The following DMD variants were observed in gnomAD, a reference collection of about 807,000 sequenced individuals.
The protein encoded by DMD is dystrophin.
A neutral mutation model predicts 330.1 loss-of-function variants in DMD; 63 were observed. That is an observed-to-expected ratio of 0.19 (90% confidence interval 0.16 to 0.24). The LOEUF (loss-of-function observed/expected upper bound fraction) is 0.24, where lower values mean the gene tolerates loss of function less well. Among genes scored for constraint, DMD ranks in the 10% least tolerant of loss-of-function variants. The probability of loss-of-function intolerance (pLI) is 1.00; values close to 1 mark genes in which losing one functional copy is unlikely to be tolerated. For missense variants in DMD, 3,344 were observed against 2,684.1 expected, an observed-to-expected ratio of 1.25 and a Z score of -5.43; for synonymous variants, 1,223 against 959.8, an observed-to-expected ratio of 1.27 and a Z score of -5.07.
chrX:31,403,360 T>C (rs9887650), intron 60 of DMD, among the ~76,000 whole-genome samples: 12,943 of 111,454 alleles, frequency 0.12, 621 homozygotes, highest in Admixed American at 0.17. Context: ...ATTTTAAAGA[T>C]TTCTAAGGAA....
At chrX:31,808,100 T>C (rs1234501339) in intron 50 of DMD, among the ~76,000 whole-genome samples, 1 of 111,894 alleles carries the variant, frequency 8.9e-6, no homozygotes, top group East Asian at 2.8e-4. Flanking sequence ...AGCCCTAAGA[T>C]AAATATTAGG....
intron 55 of DMD, among the ~76,000 whole-genome samples, chrX:31,592,968 AC>A (rs2076947092): frequency 9.0e-6 from 1 of 111,335 alleles, no homozygotes; most frequent in Admixed American, 9.6e-5. Context: ...TAATTACTCA[AC>A]ACTTTTAGCT....
intron 55 of DMD, among the ~76,000 whole-genome samples, chrX:31,560,025 C>T (rs1431788831): frequency 8.9e-6 from 1 of 112,025 alleles, no homozygotes; most frequent in Non-Finnish European, 1.9e-5. Context: ...TTTCTGGCCA[C>T]CTGCTTAGCT....
intron 67 of DMD, among the ~76,000 whole-genome samples, chrX:31,202,950 T>C (rs2043643193): frequency 8.9e-6 from 1 of 112,172 alleles, no homozygotes; most frequent in Non-Finnish European, 1.9e-5. Flanking sequence ...AGACAAAAGC[T>C]AAACGATAAG....
chrX:31,517,516 A>G (rs769015102), intron 55 of DMD, among the ~76,000 whole-genome samples: 1 of 111,778 alleles, frequency 8.9e-6, no homozygotes, highest in Non-Finnish European at 1.9e-5. Context: ...CTGATTCTGT[A>G]AGGATAATAT....
At chrX:32,726,741 G>A (rs1304059253) in intron 7 of DMD, among the ~76,000 whole-genome samples, 1 of 110,121 alleles carries the variant, frequency 9.1e-6, no homozygotes, top group African/African-American at 3.3e-5. Flanking sequence ...CATATTTATG[G>A]GGTCCAACAC....
rs1191335690 is a variant in DMD, at chrX:32,536,264, C to CAAAA, written c.2168+8891_2168+8894dup. Reference sequence around the variant, plus strand: ...TGGCAACAGAGTGAGACTCCGTCTCCAAAAAAAAAAAAAAAAAAAAAAAAC... The same window carrying CAAAA: ...TGGCAACAGAGTGAGACTCCGTCTCCAAAAAAAAAAAAAAAAAAAAAAAAAAAAC... On this transcript the variant is annotated intron_variant, in intron 17 of 78. Coordinates refer to ENST00000357033, the MANE Select transcript of DMD (RefSeq NM_004006.3). 5.2e-3 allele frequency among the ~76,000 whole-genome samples: 188 copies of CAAAA among 36,217 alleles called. 5 individuals carry two copies. The highest frequency in any genetic ancestry group is 0.022 in the Admixed American group (53 of 2,418). The allele number at this position is 36,217 out of a possible 115,157, so 31.5% of individuals were successfully genotyped here.
intron 1 of DMD, among the ~76,000 whole-genome samples, chrX:33,044,615 CA>C (rs2094351869): frequency 9.0e-6 from 1 of 111,731 alleles, no homozygotes; most frequent in Non-Finnish European, 1.9e-5. Flanking sequence ...AATATGGGGA[CA>C]AAAATAAGAG....
intron 1 of DMD, among the ~76,000 whole-genome samples, chrX:33,114,018 A>G (rs1028381772): frequency 5.4e-5 from 6 of 111,224 alleles, no homozygotes; most frequent in Admixed American, 1.9e-4. Flanking sequence ...GACAAAAAAT[A>G]CTTTAGAAAT....
At chrX:31,320,512 G>A (rs1288767100) in intron 62 of DMD, among the ~76,000 whole-genome samples, 1 of 112,182 alleles carries the variant, frequency 8.9e-6, no homozygotes, top group Non-Finnish European at 1.9e-5. Flanking sequence ...AATGAGGACT[G>A]GTTGAAGCAC....
chrX:32,018,671 A>G (rs757612100), intron 44 of DMD, among the ~76,000 whole-genome samples: 28 of 111,499 alleles, frequency 2.5e-4, no homozygotes, highest in Non-Finnish European at 4.9e-4. Context: ...CGGCATATAT[A>G]GTTCCAGAGC....
At chrX:32,515,703 T>C (rs1376223094) in intron 18 of DMD, among the ~76,000 whole-genome samples, 1 of 111,786 alleles carries the variant, frequency 8.9e-6, no homozygotes, top group African/African-American at 3.2e-5. Flanking sequence ...GATTGTGTCC[T>C]AGAATATTGA....
intron 1 of DMD, among the ~76,000 whole-genome samples, chrX:33,108,716 A>G (rs1434856987): frequency 1.9e-5 from 2 of 106,150 alleles, no homozygotes; most frequent in Admixed American, 2.0e-4. Flanking sequence ...TCTCTACTAC[A>G]AATACAAAAA....
In DMD at chrX:32,221,418, CAAGT is replaced by C. The variant is rs752152266; in HGVS notation, c.6291-4359_6291-4356del. Among the ~76,000 whole-genome samples the C allele has an allele frequency of 1.3e-4, 15 of 111,339 alleles. No homozygotes were observed. In the South Asian group the frequency reaches 5.7e-3, roughly 42 times the overall value. On this transcript the variant is annotated intron_variant, in intron 43 of 78. Coordinates refer to ENST00000357033, the MANE Select transcript of DMD (RefSeq NM_004006.3). ...TACTTCTCCCCAACCCTCAACTTCC[CAAGT>C]AATACAAATATTTAGTAAAAGATAA...
At chrX:31,892,842 T>C (rs1043688180) in intron 47 of DMD, among the ~76,000 whole-genome samples, 2 of 112,327 alleles carry the variant, frequency 1.8e-5, no homozygotes, top group Non-Finnish European at 3.8e-5. Flanking sequence ...TCATTACACA[T>C]AGCATGACTG....
chrX:32,205,315 C>G (rs1160075496), intron 44 of DMD, among the ~76,000 whole-genome samples: 1 of 106,280 alleles, frequency 9.4e-6, no homozygotes, highest in African/African-American at 3.5e-5. Flanking sequence ...CCAAGAGTTC[C>G]TCTCATCTTG....
intron 59 of DMD, among the ~76,000 whole-genome samples, chrX:31,446,476 A>G (rs1310567252): frequency 1.4e-5 from 1 of 74,060 alleles, no homozygotes; most frequent in African/African-American, 8.0e-5. Flanking sequence ...ATACACATGC[A>G]AAAAAAAAAT....
At chrX:33,163,746 G>A (rs2048921266) in intron 1 of DMD, among the ~76,000 whole-genome samples, 1 of 107,901 alleles carries the variant, frequency 9.3e-6, no homozygotes, top group African/African-American at 3.4e-5. Flanking sequence ...AAGTCTTGTA[G>A]AGGAGGTTAA....
intron 4 of DMD, among the ~76,000 whole-genome samples, chrX:32,830,921 C>A (rs758955235): frequency 1.8e-5 from 2 of 111,251 alleles, no homozygotes; most frequent in Non-Finnish European, 3.8e-5. Context: ...GTAAGAATTG[C>A]ACATAGAAAA....
Sources: allele counts gnomAD v4.1 joint callset (sites outside exome capture counted in the v4.1 genomes callset), GRCh38; gene constraint gnomAD v4.1.1; transcripts MANE v1.5; gene names NCBI Gene and HGNC (gene_info 2026-07-23, HGNC 2026-07-21).